The following IGF1R variants were observed in gnomAD, a reference collection of about 807,000 sequenced individuals.
The protein encoded by IGF1R is insulin like growth factor 1 receptor, also known as insulin-like growth factor 1 receptor.
A neutral mutation model predicts 144.6 loss-of-function variants in IGF1R; 44 were observed. The observed-to-expected ratio is 0.30, with a 90% CI of 0.24 to 0.39. The LOEUF (loss-of-function observed/expected upper bound fraction) is 0.39. IGF1R is among the 10% of genes least tolerant of loss of function. The pLI, the probability that IGF1R is intolerant of heterozygous loss-of-function variation, is 1.00. For synonymous variants in IGF1R, 795 were observed against 722.8 expected, an observed-to-expected ratio of 1.10 and a Z score of -1.60; for missense variants, 1,355 against 1,833.7, an observed-to-expected ratio of 0.74 and a Z score of 4.77.
chr15:98,959,093 A>G lies in IGF1R; in HGVS notation c.*1651A>G, dbSNP rs1296850651. On this transcript the variant is annotated 3_prime_UTR_variant, in exon 21 of 21. Transcript: ENST00000650285. ...TGATACAAACTCAGGTCAGAAAAAC[A>G]AAGGTTAAATATTTCACACGTCTTT... 1 of 233,266 alleles carries G rather than the reference A, an allele frequency of 4.3e-6. No individual in the cohort carries two copies. The highest frequency in any genetic ancestry group is 6.0e-5 in the East Asian group (1 of 16,586). 14.4% of individuals were successfully genotyped at this position (233,266 alleles called of 1,614,324 possible).
intron 1 of IGF1R, among the ~76,000 whole-genome samples, chr15:98,700,191 G>A (rs529887785): frequency 1.3e-5 from 2 of 152,244 alleles, no homozygotes; most frequent in Admixed American, 1.3e-4. Flanking sequence ...TTCTCTGAGC[G>A]CAAGGAGGGT....
chr15:98,664,414 C>T (rs986381702), intron 1 of IGF1R, among the ~76,000 whole-genome samples: 5 of 152,174 alleles, frequency 3.3e-5, no homozygotes, highest in African/African-American at 1.2e-4. Flanking sequence ...CCTGTAATCC[C>T]AGCACTTTGG....
At chr15:98,727,881 T>G (rs1222960568) in intron 2 of IGF1R, among the ~76,000 whole-genome samples, 1 of 152,094 alleles carries the variant, frequency 6.6e-6, no homozygotes, top group Non-Finnish European at 1.5e-5. Context: ...CTGCTGGGCC[T>G]GGAAAGTTCT....
intron 2 of IGF1R, among the ~76,000 whole-genome samples, chr15:98,793,624 G>C (rs1261033510): frequency 6.6e-6 from 1 of 152,188 alleles, no homozygotes; most frequent in Non-Finnish European, 1.5e-5. Context: ...AGAAATATTA[G>C]TAAATATGTC....
intron 2 of IGF1R, among the ~76,000 whole-genome samples, chr15:98,787,732 A>G (rs887693627): frequency 6.6e-6 from 1 of 152,218 alleles, no homozygotes; most frequent in Non-Finnish European, 1.5e-5. Context: ...AGAAACTTCT[A>G]TTACCGCAAT....
At chr15:98,669,693 C>G (rs909824053) in intron 1 of IGF1R, among the ~76,000 whole-genome samples, 5 of 152,232 alleles carry the variant, frequency 3.3e-5, no homozygotes, top group Non-Finnish European at 1.5e-5. Flanking sequence ...CCTCCATCCT[C>G]TGGGCAGCCT....
chr15:98,934,667 T>C (rs2016074967), intron 15 of IGF1R, among the ~76,000 whole-genome samples, 157 bp from the exon 16 acceptor site: 1 of 152,176 alleles, frequency 6.6e-6, no homozygotes, highest in Non-Finnish European at 1.5e-5. Flanking sequence ...ATCTATAGCA[T>C]GTGGAAAGTT....
intron 2 of IGF1R, among the ~76,000 whole-genome samples, chr15:98,741,403 A>T (rs2054741268): frequency 6.6e-6 from 1 of 152,042 alleles, no homozygotes; most frequent in Non-Finnish European, 1.5e-5. Context: ...TAGTTTTGCC[A>T]TTTGGTCTCG....
intron 2 of IGF1R, among the ~76,000 whole-genome samples, chr15:98,768,931 AACAAC>A (rs751027308): frequency 4.4e-4 from 54 of 122,202 alleles, no homozygotes; most frequent in Admixed American, 2.9e-3. Flanking sequence ...CCGTCTCAAA[AACAAC>A]AACAACAACA....
intron 5 of IGF1R, among the ~76,000 whole-genome samples, chr15:98,906,866 G>A (rs2014757211): frequency 6.6e-6 from 1 of 152,202 alleles, no homozygotes; most frequent in African/African-American, 2.4e-5. Flanking sequence ...TCTGTCTTTC[G>A]ACTCACTTGT....
intron 2 of IGF1R, chr15:98,820,961 A>G (rs2056790890): frequency 6.6e-6 from 1 of 152,218 alleles, no homozygotes; most frequent in African/African-American, 2.4e-5. Context: ...ACATATTTAT[A>G]TGTTAAATGT....
intron 2 of IGF1R, among the ~76,000 whole-genome samples, chr15:98,782,344 A>G (rs185853314): frequency 6.6e-6 from 1 of 152,330 alleles, no homozygotes; most frequent in Non-Finnish European, 1.5e-5. Context: ...CTAAATTTGT[A>G]AATTCTGATT....
chr15:98,751,395 G>T (rs919608317), intron 2 of IGF1R, among the ~76,000 whole-genome samples: 1 of 151,980 alleles, frequency 6.6e-6, no homozygotes, highest in Non-Finnish European at 1.5e-5. Context: ...TTTTGTAGAA[G>T]TGATGCCTCG....
At chr15:98,826,555 T>A (rs1034932779) in intron 2 of IGF1R, among the ~76,000 whole-genome samples, 1 of 152,200 alleles carries the variant, frequency 6.6e-6, no homozygotes, top group Non-Finnish European at 1.5e-5. Flanking sequence ...GGAAGACATA[T>A]TTAGGCTATA....
intron 2 of IGF1R, among the ~76,000 whole-genome samples, chr15:98,799,844 A>G (rs924203751): frequency 2.0e-5 from 3 of 152,144 alleles, no homozygotes; most frequent in African/African-American, 4.8e-5. Flanking sequence ...GTGTTTTGCA[A>G]GAGTTGAGAG....
intron 20 of IGF1R, among the ~76,000 whole-genome samples, chr15:98,956,325 G>A (rs201549745): frequency 3.3e-5 from 5 of 152,358 alleles, no homozygotes; most frequent in South Asian, 4.1e-4. Flanking sequence ...GAGGGGACTC[G>A]TGCCCAGGGC....
At chr15:98,916,524 A>G (rs2015257571) in intron 9 of IGF1R, 148 bp from the exon 10 acceptor site, 1 of 775,846 alleles carries the variant, frequency 1.3e-6, no homozygotes, top group African/African-American at 1.7e-5. Context: ...GGCCTCCCAA[A>G]GTGCTGGGAT....
intron 2 of IGF1R, among the ~76,000 whole-genome samples, chr15:98,760,787 A>G (rs143896943): frequency 1.7e-4 from 26 of 152,314 alleles, no homozygotes; most frequent in African/African-American, 5.3e-4. Context: ...TCACTGTCCA[A>G]TTTGGAGAGT....
At chr15:98,920,465 G>T (rs2015436918) in intron 10 of IGF1R, among the ~76,000 whole-genome samples, 2 of 152,218 alleles carry the variant, frequency 1.3e-5, no homozygotes, top group East Asian at 3.8e-4. Context: ...TTATTTTGCG[G>T]TACATCAAAC....
Sources: gnomAD v4.1 joint callset for allele counts (sites outside exome capture counted in the v4.1 genomes callset) on GRCh38, gnomAD v4.1.1 for gene constraint, MANE v1.5 for transcripts, NCBI Gene and HGNC (gene_info 2026-07-23, HGNC 2026-07-21) for gene names.